NFXL1: variants seen among roughly 807,000 people sequenced by gnomAD.
NFXL1 encodes the protein NF-X1-type zinc finger protein NFXL1.
NFXL1 carries 66 observed loss-of-function variants against 123.3 expected under a neutral mutation model. The ratio of observed to expected loss-of-function variants is 0.54; its 90% CI spans 0.44 to 0.66. The LOEUF (loss-of-function observed/expected upper bound fraction) is 0.66. Among genes scored for constraint, NFXL1 ranks in the 30% least tolerant of loss-of-function variants. The pLI is 0.00. For synonymous variants in NFXL1, 346 were observed against 360.8 expected, an observed-to-expected ratio of 0.96 and a Z score of 0.46; for missense variants, 944 against 1,125.6, an observed-to-expected ratio of 0.84 and a Z score of 2.31.
intron 12 of NFXL1, among the ~76,000 whole-genome samples, chr4:47,886,458 T>C (rs1483073755): frequency 6.6e-6 from 1 of 152,078 alleles, no homozygotes; most frequent in Non-Finnish European, 1.5e-5. Context: ...GCCTCAACTT[T>C]CTGGGCTCAA....
intron 15 of NFXL1, among the ~76,000 whole-genome samples, chr4:47,880,821 A>C (rs1379919153): frequency 3.3e-5 from 5 of 150,962 alleles, no homozygotes; most frequent in Admixed American, 2.0e-4. Context: ...AAAAAAAAAA[A>C]AAAAAAAAAC....
rs201088875 is a variant in NFXL1 at position 47,896,511 on chromosome 4, G to A, written c.1329+12C>T. 1.9e-6 allele frequency: 3 copies of A among 1,606,382 alleles called. No homozygotes were observed. Among genetic ancestry groups the A allele is most frequent in the Non-Finnish European group, 2.6e-6 (3 of 1,173,340 alleles). On this transcript the variant is annotated intron_variant, in intron 10 of 22. Coordinates refer to ENST00000507489, the MANE Select transcript of NFXL1 (RefSeq NM_001278624.2). ...TAGCTCTTAAAAGTAATTATTACAGGAGATGACTAACTTGTCTACATGTTT... is the reference window on the plus strand; with the variant it reads ...TAGCTCTTAAAAGTAATTATTACAGAAGATGACTAACTTGTCTACATGTTT...
intron 17 of NFXL1, chr4:47,877,324 A>G: frequency 2.8e-6 from 1 of 357,862 alleles, no homozygotes. Flanking sequence ...CTTCTAGGAA[A>G]GACTATCTTA....
At position 47,905,284 on chromosome 4, in the gene NFXL1, C is replaced by T; in HGVS notation, c.469G>A (p.Ala157Thr). ...QYVNEAFQAG[A>T]MTCLICIASV... Reference sequence around the variant, plus strand: ...GCAATACAAATTAGGCATGTCATAGCCCCTGCTTGAAAAGCTTCATTTACA... The same window carrying T: ...GCAATACAAATTAGGCATGTCATAGTCCCTGCTTGAAAAGCTTCATTTACA... The change falls in exon 4 of 23, where the codon GCT (alanine) becomes ACT (threonine). Residue 157 changes from alanine (A) to threonine (T), a missense_variant. This residue lies in a region of NFXL1 where 303 missense variants were observed against 292.1 expected (regional missense o/e 1.04). Transcript: ENST00000507489. 6.2e-6 allele frequency: 10 copies of T among 1,600,632 alleles called. No individual in the cohort carries two copies. The highest frequency in any genetic ancestry group is 8.6e-6 in the Non-Finnish European group (10 of 1,168,984).
At chr4:47,875,048 T>TA (rs2110065448) in intron 18 of NFXL1, 79 bp downstream of exon 18, 1 of 974,108 alleles carries the variant, frequency 1.0e-6, no homozygotes, top group South Asian at 1.6e-5. Context: ...CAAAGTACAC[T>TA]ATAAAGGGTT....
chr4:47,898,199 T>A, intron 8 of NFXL1, 118 bp from the exon 9 acceptor site: 1 of 616,094 alleles, frequency 1.6e-6, no homozygotes, highest in Non-Finnish European at 2.9e-6. Flanking sequence ...GTCCCTCATA[T>A]TATTTTACTT....
chr4:47,856,879 G>T (rs1352119892), intron 19 of NFXL1, among the ~76,000 whole-genome samples: 3 of 152,088 alleles, frequency 2.0e-5, no homozygotes, highest in Non-Finnish European at 4.4e-5. Flanking sequence ...CCTCACAGTG[G>T]TTGTTTCAAG....
At chr4:47,863,085 C>G (rs1734854846) in intron 18 of NFXL1, among the ~76,000 whole-genome samples, 170 bp from the exon 19 acceptor site, 1 of 152,136 alleles carries the variant, frequency 6.6e-6, no homozygotes, top group Admixed American at 6.5e-5. Flanking sequence ...CTCAACTGTT[C>G]TGATAACTCA....
At chr4:47,880,966 G>A (rs990650438) in intron 15 of NFXL1, among the ~76,000 whole-genome samples, 4 of 151,796 alleles carry the variant, frequency 2.6e-5, no homozygotes, top group Admixed American at 2.0e-4. Context: ...GAGGGAGGAG[G>A]GGATAAGAGA....
intron 19 of NFXL1, among the ~76,000 whole-genome samples, chr4:47,859,657 A>G (rs769776494): frequency 1.3e-5 from 2 of 152,032 alleles, no homozygotes; most frequent in African/African-American, 4.8e-5. Context: ...CCTAGCCAAC[A>G]TGGTGAAACC....
intron 22 of NFXL1, among the ~76,000 whole-genome samples, chr4:47,849,952 ATTT>A (rs11330734): frequency 1.2e-4 from 18 of 149,634 alleles, no homozygotes; most frequent in African/African-American, 3.4e-4. Context: ...CGTATTATTT[ATTT>A]TTTTTTTTTT....
intron 5 of NFXL1, among the ~76,000 whole-genome samples, chr4:47,899,968 C>A (rs1425350501): frequency 6.6e-6 from 1 of 152,206 alleles, no homozygotes; most frequent in Non-Finnish European, 1.5e-5. Context: ...TAGTTTTCTA[C>A]TAACCACCTG....
intron 18 of NFXL1, among the ~76,000 whole-genome samples, chr4:47,874,624 A>G (rs1349231123): frequency 6.6e-6 from 1 of 152,218 alleles, no homozygotes. Context: ...GAATATTGTG[A>G]GAATTATCGA....
intron 15 of NFXL1, among the ~76,000 whole-genome samples, chr4:47,880,748 G>A (rs34449323): frequency 0.35 from 50,029 of 141,652 alleles, 9,792 homozygotes; most frequent in Non-Finnish European, 0.44. Flanking sequence ...TGTTACTATT[G>A]GATTCTTTTG....
chr4:47,871,593 G>A (rs1045268454), intron 18 of NFXL1, among the ~76,000 whole-genome samples: 3 of 152,152 alleles, frequency 2.0e-5, no homozygotes, highest in Admixed American at 1.3e-4. Context: ...GTGGGTGAAA[G>A]TTTGATGAGG....
At chr4:47,892,928 T>A (rs979005730) in intron 11 of NFXL1, among the ~76,000 whole-genome samples, 3 of 152,020 alleles carry the variant, frequency 2.0e-5, no homozygotes, top group African/African-American at 7.3e-5. Flanking sequence ...ACAGAATTAG[T>A]ACACAGGGAT....
rs1238556625 is a variant in NFXL1 at position 47,847,253 on chromosome 4, A to T, written c.*910T>A. On this transcript the variant is annotated 3_prime_UTR_variant, in exon 23 of 23. Coordinates refer to ENST00000507489, the MANE Select transcript of NFXL1 (RefSeq NM_001278624.2). ...CTAGATTACAAATTTGGTATCAAAA[A>T]TTTTAATGAAAACATTAATCATATA... 3 of 152,154 alleles carry T rather than the reference A, an allele frequency of 2.0e-5. No individual in the cohort carries two copies. The highest frequency in any genetic ancestry group is 7.2e-5 in the African/African-American group (3 of 41,460). The allele number at this position is 152,154 out of a possible 1,614,324, so 9.4% of individuals were successfully genotyped here.
chr4:47,859,691 A>G (rs1734612184), intron 19 of NFXL1, among the ~76,000 whole-genome samples: 1 of 151,774 alleles, frequency 6.6e-6, no homozygotes, highest in African/African-American at 2.4e-5. Context: ...AAATACAAAA[A>G]ATTTGCTGGG....
chr4:47,885,790 C>T, intron 13 of NFXL1, 89 bp downstream of exon 13: 1 of 1,466,082 alleles, frequency 6.8e-7, no homozygotes, highest in South Asian at 1.3e-5. Context: ...TATTTTAAAA[C>T]ACTAAAGCAA....
Sources: allele counts gnomAD v4.1 joint callset (sites outside exome capture counted in the v4.1 genomes callset), GRCh38; gene constraint gnomAD v4.1.1; regional missense constraint gnomAD v4.1.1; transcripts MANE v1.5; gene names NCBI Gene and HGNC (gene_info 2026-07-23, HGNC 2026-07-21).